Variants in MCU observed in about 807,000 individuals in gnomAD.
The protein encoded by MCU is calcium uniporter protein, mitochondrial.
MCU carries 12 observed loss-of-function variants against 45.2 expected under a neutral mutation model. The observed-to-expected ratio is 0.27, with a 90% CI of 0.17 to 0.43. The LOEUF is 0.43. Among genes scored for constraint, MCU ranks in the 20% least tolerant of loss-of-function variants. The probability of loss-of-function intolerance (pLI) is 1.00; values close to 1 mark genes in which losing one functional copy is unlikely to be tolerated. For missense variants in MCU, 324 were observed against 436.7 expected, an observed-to-expected ratio of 0.74 and a Z score of 2.30; for synonymous variants, 160 against 165.1, an observed-to-expected ratio of 0.97 and a Z score of 0.24.
At chr10:72,696,139 G>A (rs373720577) in intron 1 of MCU, among the ~76,000 whole-genome samples, 1 of 137,134 alleles carries the variant, frequency 7.3e-6, no homozygotes, top group African/African-American at 2.9e-5. Flanking sequence ...TCCAGCCTGG[G>A]CGAAAGAGCG....
At chr10:72,865,206 C>T (rs1164054008) in intron 4 of MCU, among the ~76,000 whole-genome samples, 1 of 151,990 alleles carries the variant, frequency 6.6e-6, no homozygotes, top group African/African-American at 2.4e-5. Context: ...TATTTGATTC[C>T]CTGGTGATTT....
At chr10:72,876,089 C>A (rs1401255769) in intron 6 of MCU, among the ~76,000 whole-genome samples, 1 of 152,138 alleles carries the variant, frequency 6.6e-6, no homozygotes, top group Middle Eastern at 3.2e-3. Flanking sequence ...TAAATAGTGA[C>A]CTAGCCTTTA....
chr10:72,822,036 G>T (rs536124239), intron 1 of MCU, among the ~76,000 whole-genome samples: 23 of 152,312 alleles, frequency 1.5e-4, no homozygotes, highest in African/African-American at 5.3e-4. Flanking sequence ...AGCACTTTGG[G>T]AGGCCGAGGT....
chr10:72,816,567 C>A (rs996987501), intron 1 of MCU, among the ~76,000 whole-genome samples: 15 of 152,154 alleles, frequency 9.9e-5, no homozygotes, highest in African/African-American at 3.6e-4. Context: ...CTCTTGAGCT[C>A]AGAAATTTGA....
At position 72,783,880 on chromosome 10, in the gene MCU, T is replaced by C. The variant is rs192067128; in HGVS notation, c.151-50479T>C. ...TCTTTCTTTATTTCTTTTTAAAAAATTGTTTTACTTTGTTCTTGACTCTTT... is the reference window on the plus strand; with the variant it reads ...TCTTTCTTTATTTCTTTTTAAAAAACTGTTTTACTTTGTTCTTGACTCTTT... On this transcript the variant is annotated intron_variant, in intron 1 of 7. Transcript: ENST00000373053. Among the ~76,000 whole-genome samples the C allele has an allele frequency of 3.1e-4, 47 of 152,310 alleles. No homozygotes were observed. In the Middle Eastern group the frequency reaches 0.014, roughly 44 times the overall value.
At chr10:72,859,698 T>G (rs1845347568) in intron 3 of MCU, among the ~76,000 whole-genome samples, 1 of 152,136 alleles carries the variant, frequency 6.6e-6, no homozygotes, top group Non-Finnish European at 1.5e-5. Context: ...AGTTAAACCC[T>G]CATCTCTGGA....
intron 1 of MCU, among the ~76,000 whole-genome samples, chr10:72,803,912 A>G (rs1220143238): frequency 6.7e-6 from 1 of 149,346 alleles, no homozygotes. Flanking sequence ...TGATTGTCCC[A>G]TAAATTTACA....
At chr10:72,732,573 A>G (rs1478705073) in intron 1 of MCU, among the ~76,000 whole-genome samples, 5 of 152,248 alleles carry the variant, frequency 3.3e-5, no homozygotes, top group Non-Finnish European at 5.9e-5. Context: ...TTAAAGCTCT[A>G]GAATTCCTGT....
intron 1 of MCU, among the ~76,000 whole-genome samples, chr10:72,787,119 C>T (rs1014136652): frequency 6.6e-6 from 1 of 152,122 alleles, no homozygotes; most frequent in Non-Finnish European, 1.5e-5. Flanking sequence ...ATTTGAAAGA[C>T]AAATCTGCTG....
intron 1 of MCU, among the ~76,000 whole-genome samples, chr10:72,755,081 G>A (rs573719521): frequency 3.9e-5 from 6 of 151,914 alleles, no homozygotes; most frequent in African/African-American, 1.4e-4. Flanking sequence ...TAAAAGCATG[G>A]ACTGTAGTCT....
intron 1 of MCU, among the ~76,000 whole-genome samples, chr10:72,709,686 C>T (rs994314848): frequency 2.0e-5 from 3 of 151,710 alleles, no homozygotes; most frequent in African/African-American, 7.3e-5. Flanking sequence ...TATTTATTTT[C>T]TTGTTTTAAC....
chr10:72,757,769 A>G (rs563705119), intron 1 of MCU, among the ~76,000 whole-genome samples: 2 of 152,376 alleles, frequency 1.3e-5, no homozygotes, highest in East Asian at 3.8e-4. Context: ...GAGAAGAAAT[A>G]TAATTTTTCC....
chr10:72,776,496 A>G (rs1054823174), intron 1 of MCU, among the ~76,000 whole-genome samples: 5 of 152,200 alleles, frequency 3.3e-5, no homozygotes, highest in Non-Finnish European at 7.3e-5. Flanking sequence ...ATGCTGAAAA[A>G]TCATTTGATA....
chr10:72,788,055 G>A (rs1259363000), intron 1 of MCU, among the ~76,000 whole-genome samples: 1 of 152,190 alleles, frequency 6.6e-6, no homozygotes, highest in Non-Finnish European at 1.5e-5. Context: ...TCGTGGTGCT[G>A]TGTACGTGAT....
At chr10:72,834,848 C>G (rs545785983) in intron 2 of MCU, among the ~76,000 whole-genome samples, 2 of 152,078 alleles carry the variant, frequency 1.3e-5, no homozygotes, top group Admixed American at 1.3e-4. Context: ...TTTGTAGAGA[C>G]AGGGTTTCAC....
chr10:72,771,723 A>C (rs919541229), intron 1 of MCU, among the ~76,000 whole-genome samples: 1 of 152,148 alleles, frequency 6.6e-6, no homozygotes, highest in Non-Finnish European at 1.5e-5. Flanking sequence ...TTACATAAGC[A>C]TACGTGTGCC....
chr10:72,815,031 A>G (rs1429330842), intron 1 of MCU, among the ~76,000 whole-genome samples: 1 of 152,250 alleles, frequency 6.6e-6, no homozygotes, highest in Non-Finnish European at 1.5e-5. Context: ...TGAGGAAATT[A>G]TATCAATTTA....
chr10:72,768,769 T>C (rs1843764646), intron 1 of MCU, among the ~76,000 whole-genome samples: 1 of 152,260 alleles, frequency 6.6e-6, no homozygotes, highest in African/African-American at 2.4e-5. Context: ...AAAAACTTAG[T>C]TTTTTAAAAA....
chr10:72,772,011 G>A (rs759130205), intron 1 of MCU, among the ~76,000 whole-genome samples: 3 of 152,196 alleles, frequency 2.0e-5, no homozygotes, highest in African/African-American at 4.8e-5. Context: ...GGTAGTCAGC[G>A]AACTTCCCCA....
Sources: gnomAD v4.1 joint callset for allele counts (sites outside exome capture counted in the v4.1 genomes callset) on GRCh38, gnomAD v4.1.1 for gene constraint, MANE v1.5 for transcripts, NCBI Gene and HGNC (gene_info 2026-07-23, HGNC 2026-07-21) for gene names.